Variants in SLC35F3 observed in about 807,000 individuals in gnomAD.
SLC35F3 encodes the protein putative thiamine transporter SLC35F3.
SLC35F3 carries 25 observed loss-of-function variants against 49.9 expected under a neutral mutation model. That is an observed-to-expected ratio of 0.50 (90% CI 0.37 to 0.70). The LOEUF (loss-of-function observed/expected upper bound fraction) is 0.70. SLC35F3 is among the 30% of genes least tolerant of loss of function. The pLI, the probability that SLC35F3 is intolerant of heterozygous loss-of-function variation, is 0.00. For synonymous variants in SLC35F3, 275 were observed against 265.4 expected, an observed-to-expected ratio of 1.04 and a Z score of -0.35; for missense variants, 525 against 639.8, an observed-to-expected ratio of 0.82 and a Z score of 1.94.
At chr1:234,100,183 A>G (rs1665193160) in intron 2 of SLC35F3, among the ~76,000 whole-genome samples, 1 of 152,224 alleles carries the variant, frequency 6.6e-6, no homozygotes, top group East Asian at 1.9e-4. Flanking sequence ...TGTGAATACC[A>G]TTATCATCAC....
At chr1:233,911,743 C>T (rs1661877934) in intron 2 of SLC35F3, among the ~76,000 whole-genome samples, 1 of 152,184 alleles carries the variant, frequency 6.6e-6, no homozygotes. Context: ...ATGGGAGACA[C>T]AGTCCTCACC....
intron 2 of SLC35F3, among the ~76,000 whole-genome samples, chr1:233,959,580 A>G (rs1662760224): frequency 6.6e-6 from 1 of 152,174 alleles, no homozygotes; most frequent in Non-Finnish European, 1.5e-5. Context: ...CCTTGTGAGT[A>G]CCATGAATGT....
At chr1:234,006,437 C>T (rs1297294932) in intron 2 of SLC35F3, among the ~76,000 whole-genome samples, 3 of 152,112 alleles carry the variant, frequency 2.0e-5, no homozygotes, top group Non-Finnish European at 2.9e-5. Flanking sequence ...CTCCTTATCC[C>T]TATGCTTCTC....
chr1:234,039,064 A>G (rs2102852135), intron 2 of SLC35F3, among the ~76,000 whole-genome samples: 1 of 152,356 alleles, frequency 6.6e-6, no homozygotes, highest in African/African-American at 2.4e-5. Flanking sequence ...TTTGGAGCCT[A>G]GAGTTAAGGG....
chr1:233,921,134 A>G (rs1381247639), intron 2 of SLC35F3, among the ~76,000 whole-genome samples: 1 of 152,276 alleles, frequency 6.6e-6, no homozygotes, highest in Non-Finnish European at 1.5e-5. Context: ...CACAAGACAT[A>G]TAGAACTCCC....
intron 7 of SLC35F3, among the ~76,000 whole-genome samples, chr1:234,322,193 C>CAAA (rs35591525): frequency 8.6e-6 from 1 of 116,552 alleles, no homozygotes; most frequent in Non-Finnish European, 1.9e-5. Context: ...GACCCTGTCT[C>CAAA]AAAAAAAAAA....
At chr1:234,062,092 T>C (rs1664549821) in intron 2 of SLC35F3, among the ~76,000 whole-genome samples, 1 of 152,230 alleles carries the variant, frequency 6.6e-6, no homozygotes, top group Admixed American at 6.5e-5. Flanking sequence ...GTAGAGAACA[T>C]ACTGTTGTAA....
intron 2 of SLC35F3, among the ~76,000 whole-genome samples, chr1:233,990,629 A>C (rs1235401093): frequency 1.4e-5 from 2 of 147,708 alleles, no homozygotes; most frequent in Non-Finnish European, 3.0e-5. Flanking sequence ...CCATACACAC[A>C]CACACAAAGG....
intron 2 of SLC35F3, among the ~76,000 whole-genome samples, chr1:234,147,752 T>A (rs765364181): frequency 5.8e-4 from 89 of 152,240 alleles, no homozygotes; most frequent in Non-Finnish European, 1.9e-4. Flanking sequence ...CTCAGGTTTT[T>A]ACTTTCAGAC....
At chr1:234,142,428 G>A (rs571313010) in intron 2 of SLC35F3, among the ~76,000 whole-genome samples, 77 of 152,138 alleles carry the variant, frequency 5.1e-4, no homozygotes, top group African/African-American at 1.5e-3. Flanking sequence ...GAATAGAGCC[G>A]TTTTGTCCAC....
chr1:233,919,528 A>G (rs1038074892), intron 2 of SLC35F3, among the ~76,000 whole-genome samples: 2 of 152,244 alleles, frequency 1.3e-5, no homozygotes, highest in Non-Finnish European at 2.9e-5. Context: ...CACCCTAAAA[A>G]TAAACATATG....
intron 3 of SLC35F3, chr1:234,272,414 A>C (rs573167754): frequency 4.6e-5 from 7 of 152,364 alleles, no homozygotes; most frequent in African/African-American, 1.7e-4. Context: ...ACATCTTTGC[A>C]TGTATACTTT....
intron 2 of SLC35F3, among the ~76,000 whole-genome samples, chr1:234,225,794 G>A (rs1455112014): frequency 6.6e-6 from 1 of 152,228 alleles, no homozygotes; most frequent in Non-Finnish European, 1.5e-5. Context: ...TCCATCGATA[G>A]ATGAATGGAT....
At chr1:234,141,655 G>T (rs1231547987) in intron 2 of SLC35F3, among the ~76,000 whole-genome samples, 1 of 152,078 alleles carries the variant, frequency 6.6e-6, no homozygotes, top group African/African-American at 2.4e-5. Context: ...AAGGCCTCCT[G>T]GTCTACTCAG....
At chr1:234,042,313 TCTG>T (rs1245013097) in intron 2 of SLC35F3, among the ~76,000 whole-genome samples, 1 of 152,190 alleles carries the variant, frequency 6.6e-6, no homozygotes, top group Non-Finnish European at 1.5e-5. Flanking sequence ...ATTAATACAT[TCTG>T]ATGATATGGT....
chr1:233,958,316 T>C (rs1320090468), intron 2 of SLC35F3, among the ~76,000 whole-genome samples: 1 of 152,244 alleles, frequency 6.6e-6, no homozygotes, highest in Non-Finnish European at 1.5e-5. Flanking sequence ...GTTGCCACTT[T>C]TTCCCCAGCT....
At chr1:234,248,861 C>T (rs942252787) in intron 3 of SLC35F3, among the ~76,000 whole-genome samples, 1 of 152,192 alleles carries the variant, frequency 6.6e-6, no homozygotes, top group Admixed American at 6.5e-5. Flanking sequence ...GAGTCATAGA[C>T]CCCTACTCAG....
chr1:234,036,595 G>A lies in SLC35F3; in HGVS notation c.283+130837G>A, dbSNP rs553059797. Among the ~76,000 whole-genome samples, 4 of 152,292 alleles carry A rather than the reference G, an allele frequency of 2.6e-5. No individual in the cohort carries two copies. In the South Asian group the frequency reaches 8.3e-4, roughly 32 times the overall value. ...GCATCCCCATCTTCAATTTTGACAT[G>A]TGTCCACTAGTCCAGAGATTGTGTT... On this transcript the variant is annotated intron_variant, in intron 2 of 7. Transcript: ENST00000366618.
intron 2 of SLC35F3, among the ~76,000 whole-genome samples, chr1:234,207,686 G>A (rs1000501359): frequency 6.6e-6 from 1 of 151,968 alleles, no homozygotes; most frequent in Non-Finnish European, 1.5e-5. Context: ...ACAAATAAAA[G>A]TAGAGTTGCT....
Sources: gnomAD v4.1 joint callset for allele counts (sites outside exome capture counted in the v4.1 genomes callset) on GRCh38, gnomAD v4.1.1 for gene constraint, MANE v1.5 for transcripts, NCBI Gene and HGNC (gene_info 2026-07-23, HGNC 2026-07-21) for gene names.